C10orf90: variants seen among roughly 807,000 people sequenced by gnomAD.
C10orf90 encodes chromosome 10 open reading frame 90.
A neutral mutation model predicts 62.5 loss-of-function variants in C10orf90; 56 were observed. The observed-to-expected ratio is 0.90, with a 90% CI of 0.72 to 1.12. The LOEUF (loss-of-function observed/expected upper bound fraction) is 1.12. Among genes scored for constraint, C10orf90 ranks in the 50% most tolerant of loss-of-function variants. C10orf90 has a pLI of 0.00. For synonymous variants in C10orf90, 386 were observed against 340.4 expected (o/e 1.13, Z -1.47); for missense variants, 970 against 880.4 (o/e 1.10, Z -1.29).
chr10:126,462,956 C>G (rs1170221554), intron 5 of C10orf90, among the ~76,000 whole-genome samples: 1 of 152,174 alleles, frequency 6.6e-6, no homozygotes, highest in Non-Finnish European at 1.5e-5. Flanking sequence ...CAGTCATGCT[C>G]TTTCATTTTT....
At chr10:126,545,383 T>G (rs1042970004) in intron 2 of C10orf90, among the ~76,000 whole-genome samples, 2 of 152,174 alleles carry the variant, frequency 1.3e-5, no homozygotes, top group Non-Finnish European at 2.9e-5. Flanking sequence ...TCCCCTTTTA[T>G]AATGTTAAGG....
At chr10:126,506,944 G>A (rs1862772272) in intron 3 of C10orf90, among the ~76,000 whole-genome samples, 1 of 151,448 alleles carries the variant, frequency 6.6e-6, no homozygotes, top group African/African-American at 2.4e-5. Flanking sequence ...GTGTGTGTGT[G>A]CGTGCGTGTG....
intron 2 of C10orf90, among the ~76,000 whole-genome samples, chr10:126,583,500 C>G (rs559609879): frequency 2.6e-5 from 4 of 152,250 alleles, no homozygotes; most frequent in Admixed American, 2.0e-4. Context: ...AATTTTCATT[C>G]TGTTTCATAT....
At chr10:126,537,075 A>G (rs1331167862) in intron 2 of C10orf90, among the ~76,000 whole-genome samples, 1 of 152,322 alleles carries the variant, frequency 6.6e-6, no homozygotes, top group East Asian at 1.9e-4. Context: ...CAGGCTTGAT[A>G]TCACACATAA....
chr10:126,592,508 GGACCCCTTCCTTA>G (rs1845001791), intron 2 of C10orf90, among the ~76,000 whole-genome samples: 1 of 152,132 alleles, frequency 6.6e-6, no homozygotes, highest in Non-Finnish European at 1.5e-5. Flanking sequence ...AATTGAAACT[GGACCCCTTCCTTA>G]CACCTTATAC....
chr10:126,467,748 C>T (rs1176372501), intron 4 of C10orf90, among the ~76,000 whole-genome samples: 1 of 152,190 alleles, frequency 6.6e-6, no homozygotes, highest in Non-Finnish European at 1.5e-5. Flanking sequence ...TTAAGCTATG[C>T]AGCAGGAAGT....
chr10:126,485,174 C>T (rs929734671), intron 4 of C10orf90, among the ~76,000 whole-genome samples: 1 of 152,170 alleles, frequency 6.6e-6, no homozygotes, highest in African/African-American at 2.4e-5. Flanking sequence ...AGTGAGCTAG[C>T]TAGCTCACTT....
intron 8 of C10orf90, among the ~76,000 whole-genome samples, chr10:126,427,723 T>C (rs755141322): frequency 6.6e-6 from 1 of 152,212 alleles, no homozygotes; most frequent in Non-Finnish European, 1.5e-5. Flanking sequence ...CCGGGGGCTC[T>C]CAGGCCTTCA....
Position 126,504,524 on chromosome 10 carries a change from G to T in C10orf90, c.967C>A (p.His323Asn), listed in dbSNP as rs141318106. The change falls in exon 4 of 10, where the codon CAT (histidine) becomes AAT (asparagine). Residue 323 changes from histidine to asparagine, a missense_variant. His to Asn is a moderately conservative substitution (Grantham distance 68). Transcript: ENST00000488181. This position sits in a 1 kb window ranked among gnomAD's most constrained non-coding sequence, Gnocchi z 4.1. ...LCERRKYWVT[H>N]ADDKETSFSP... Reference sequence around the variant, plus strand: ...AAACTGGTCTCTTTGTCGTCTGCATGGGTGACCCAGTACTTGCGTCTCTCA... The same window carrying T: ...AAACTGGTCTCTTTGTCGTCTGCATTGGTGACCCAGTACTTGCGTCTCTCA... 6.2e-7 allele frequency: 1 copy of T among 1,614,096 alleles called. No homozygotes were observed. Among genetic ancestry groups the T allele is most frequent in the African/African-American group, 1.3e-5 (1 of 74,934 alleles).
chr10:126,481,939 G>C (rs1479839207), intron 4 of C10orf90, among the ~76,000 whole-genome samples: 1 of 152,108 alleles, frequency 6.6e-6, no homozygotes, highest in African/African-American at 2.4e-5. Context: ...CATTCCAGAG[G>C]GGTTCTTACC....
chr10:126,611,021 A>T (rs1029445164), intron 2 of C10orf90, among the ~76,000 whole-genome samples: 2 of 152,104 alleles, frequency 1.3e-5, no homozygotes, highest in Admixed American at 6.5e-5. Flanking sequence ...CACCCATTTG[A>T]AGTGTATAAA....
Position 126,526,585 on chromosome 10 carries a change from C to T in C10orf90, c.314-12646G>A, listed in dbSNP as rs112226320. ...AACAGCTTTATTGAGATATAATTTA[C>T]AAGCCATACAGTTTACCCTTTTAAA... On this transcript the variant is annotated intron_variant, in intron 2 of 9. Coordinates refer to ENST00000488181, the MANE Select transcript of C10orf90 (RefSeq NM_001350921.2). Among the ~76,000 whole-genome samples the T allele has an allele frequency of 7.7e-3, 1,166 of 152,226 alleles. 17 individuals are homozygous for T. Among genetic ancestry groups the T allele is most frequent in the African/African-American group, 0.026 (1,099 of 41,548 alleles).
chr10:126,623,396 ATTACT>A (rs1031947165), intron 2 of C10orf90, among the ~76,000 whole-genome samples: 1 of 152,142 alleles, frequency 6.6e-6, no homozygotes, highest in Non-Finnish European at 1.5e-5. Flanking sequence ...GTCTCTCAAC[ATTACT>A]TTATCTGAGA....
At chr10:126,561,625 G>C (rs1864901670) in intron 2 of C10orf90, among the ~76,000 whole-genome samples, 1 of 152,118 alleles carries the variant, frequency 6.6e-6, no homozygotes, top group Non-Finnish European at 1.5e-5. Context: ...AGTGCAATGA[G>C]GTTTGGATGT....
chr10:126,537,765 G>C (rs989482562), intron 2 of C10orf90, among the ~76,000 whole-genome samples: 5 of 152,168 alleles, frequency 3.3e-5, no homozygotes, highest in Admixed American at 6.5e-5. Flanking sequence ...ATTTTTAACT[G>C]ATAATATTTA....
At chr10:126,533,972 G>A (rs553229662) in intron 2 of C10orf90, among the ~76,000 whole-genome samples, 19 of 152,228 alleles carry the variant, frequency 1.2e-4, no homozygotes, top group African/African-American at 3.1e-4. Flanking sequence ...CAGGAACCCC[G>A]TGCAAGCTGG....
chr10:126,452,203 C>T (rs1859244628), intron 7 of C10orf90, among the ~76,000 whole-genome samples: 1 of 151,620 alleles, frequency 6.6e-6, no homozygotes, highest in Non-Finnish European at 1.5e-5. Context: ...TTTTATTTGT[C>T]AATTAAATCT....
intron 5 of C10orf90, among the ~76,000 whole-genome samples, chr10:126,464,367 A>G (rs1341257142): frequency 1.3e-5 from 2 of 152,138 alleles, no homozygotes; most frequent in Non-Finnish European, 2.9e-5. Flanking sequence ...CTGCCTTCAG[A>G]GCAGCCACAC....
At chr10:126,629,433 G>A (rs1438460436) in intron 2 of C10orf90, among the ~76,000 whole-genome samples, 1 of 152,166 alleles carries the variant, frequency 6.6e-6, no homozygotes, top group Non-Finnish European at 1.5e-5. Context: ...CCTCAGATAA[G>A]CCTCCTCCCT....
Sources: gnomAD v4.1 joint callset for allele counts (sites outside exome capture counted in the v4.1 genomes callset) on GRCh38, gnomAD v4.1.1 for gene constraint, Gnocchi (gnomAD v3.1) non-coding constraint, MANE v1.5 for transcripts, NCBI Gene and HGNC (gene_info 2026-07-23, HGNC 2026-07-21) for gene names.